Variants in PLEKHA4 observed in about 807,000 individuals in gnomAD.
PLEKHA4 encodes pleckstrin homology domain-containing family A member 4.
Under a neutral mutation model 94.7 loss-of-function variants are expected in PLEKHA4, and 73 were observed. The observed-to-expected ratio is 0.77, with a 90% CI of 0.64 to 0.94. The LOEUF is 0.94. Among genes scored for constraint, PLEKHA4 ranks in the 40% least tolerant of loss-of-function variants. The pLI is 0.00. For synonymous variants in PLEKHA4, 449 were observed against 437.1 expected (o/e 1.03, Z -0.34); for missense variants, 1,049 against 1,054.1 (o/e 1.00, Z 0.07).
intron 9 of PLEKHA4, among the ~76,000 whole-genome samples, chr19:48,856,697 G>A (rs751113040): frequency 1.4e-4 from 21 of 151,662 alleles, no homozygotes; most frequent in Admixed American, 2.6e-4. Flanking sequence ...CAGCCTGGGC[G>A]ACAGAGCGAG....
intron 16 of PLEKHA4, among the ~76,000 whole-genome samples, chr19:48,842,143 CTTT>C (rs398059794): frequency 5.8e-5 from 7 of 121,438 alleles, no homozygotes; most frequent in East Asian, 4.5e-4. Flanking sequence ...AATTTATTTT[CTTT>C]TTTTTTTTTT....
chr19:48,851,919 G>C (rs1470178327), intron 13 of PLEKHA4, among the ~76,000 whole-genome samples: 1 of 152,126 alleles, frequency 6.6e-6, no homozygotes, highest in Non-Finnish European at 1.5e-5. Context: ...ACTCCAGCCT[G>C]GGCGACAGAG....
At chr19:48,854,838 AAC>A (rs2036343755) in intron 9 of PLEKHA4, among the ~76,000 whole-genome samples, 1 of 151,158 alleles carries the variant, frequency 6.6e-6, no homozygotes, top group South Asian at 2.1e-4. Flanking sequence ...TAGGTGGGAC[AAC>A]AGATGCCAGC....
Position 48,838,149 on chromosome 19 carries a change from TG to T in PLEKHA4, c.1965-21del, listed in dbSNP as rs550794180. ...CTTGGACTAGAAAAAAAAAGAAGATTGGGGGTGGGGGTGTGTACATGGGGGA... is the reference window on the plus strand; with the variant it reads ...CTTGGACTAGAAAAAAAAAGAAGATTGGGGTGGGGGTGTGTACATGGGGGA... On this transcript the variant is annotated intron_variant, in intron 18 of 19. Coordinates refer to ENST00000263265, the MANE Select transcript of PLEKHA4 (RefSeq NM_020904.3). 2.6e-4 allele frequency: 206 copies of T among 779,036 alleles called. No homozygotes were observed. In the African/African-American group the frequency reaches 4.3e-3, roughly 16 times the overall value. 48.3% of individuals were successfully genotyped at this position (779,036 alleles called of 1,614,324 possible). A position where few individuals can be genotyped will look rare whatever the true frequency, so the allele number is the denominator to read the frequency against.
intron 16 of PLEKHA4, chr19:48,845,153 A>G (rs2035919159): frequency 3.9e-6 from 2 of 508,554 alleles, no homozygotes; most frequent in Non-Finnish European, 7.1e-6. Flanking sequence ...CCCATTTTAG[A>G]GAAGAAAAAA....
rs113010494 is a variant in PLEKHA4, at chr19:48,861,496, G to A, written c.271C>T (p.Arg91Cys). ...ACGCTGCCTAGGACACTCTCCTCGCGGCTGTCTGCAAAGAGGGGCTGGGGT... is the reference window on the plus strand; with the variant it reads ...ACGCTGCCTAGGACACTCTCCTCGCAGCTGTCTGCAAAGAGGGGCTGGGGT... Reference protein sequence around the residue: ...GHCLFYYKDSREESVLGSVLL... With the variant: ...GHCLFYYKDSCEESVLGSVLL... Residue 91 changes from arginine (R) to cysteine (C), a missense_variant, in exon 5 of 20, where the codon CGC (arginine) becomes TGC (cysteine). Transcript: ENST00000263265. 163 of 1,614,024 alleles carry A rather than the reference G, an allele frequency of 1.0e-4. No homozygotes were observed. In the South Asian group the frequency reaches 1.0e-3, roughly 10 times the overall value.
At chr19:48,865,454 A>G in intron 3 of PLEKHA4, 49 bp downstream of exon 3, 1 of 1,437,718 alleles carries the variant, frequency 7.0e-7, no homozygotes, top group South Asian at 1.2e-5. Flanking sequence ...GACAGAGGAC[A>G]GCCGGGGCAC....
At chr19:48,858,348 G>A (rs1369082884) in intron 8 of PLEKHA4, among the ~76,000 whole-genome samples, 7 of 152,194 alleles carry the variant, frequency 4.6e-5, no homozygotes, top group South Asian at 4.1e-4. Flanking sequence ...TGGGCCAGGC[G>A]CGGTGGCTCA....
intron 12 of PLEKHA4, among the ~76,000 whole-genome samples, chr19:48,853,209 T>G (rs761464350): frequency 2.0e-5 from 3 of 149,362 alleles, no homozygotes; most frequent in Non-Finnish European, 4.4e-5. Context: ...CATTCACTCA[T>G]TTTCACGTAT....
Position 48,839,199 on chromosome 19 carries a change from C to G in PLEKHA4, c.1964+6G>C. 4 of 1,583,362 alleles carry G rather than the reference C, an allele frequency of 2.5e-6. No individual in the cohort carries two copies. The South Asian group carries it at 4.6e-5, about 18-fold the overall frequency. On this transcript the variant is annotated splice_donor_region_variant and intron_variant, in intron 18 of 19. Transcript: ENST00000263265. Reference sequence around the variant, plus strand: ...TGCTCCCTTGATACGCCCTCCAGTTCCTTACCTACTCCAGGACCCAGAGCT... The same window carrying G: ...TGCTCCCTTGATACGCCCTCCAGTTGCTTACCTACTCCAGGACCCAGAGCT...
chr19:48,853,881 A>C, intron 11 of PLEKHA4, 50 bp from the exon 12 acceptor site: 1 of 1,587,036 alleles, frequency 6.3e-7, no homozygotes, highest in Non-Finnish European at 8.6e-7. Flanking sequence ...GCCTAGCCCC[A>C]AGAAGAAAGA....
chr19:48,867,623 A>G lies in PLEKHA4; in HGVS notation c.-3T>C, dbSNP rs767034878. 6.3e-6 allele frequency: 10 copies of G among 1,590,428 alleles called. No homozygotes were observed. In the African/African-American group the frequency reaches 1.1e-4, roughly 17 times the overall value. On this transcript the variant is annotated 5_prime_UTR_variant, in exon 2 of 20. Transcript: ENST00000263265. This position sits in a 1 kb window ranked among gnomAD's most constrained non-coding sequence, Gnocchi z 4.7. ...CTGCGAGGTCGGCTCCCCTCCATCAAGGGCTGGGGGAGAGAAAGAAAGGGG... is the reference window on the plus strand; with the variant it reads ...CTGCGAGGTCGGCTCCCCTCCATCAGGGGCTGGGGGAGAGAAAGAAAGGGG...
chr19:48,837,130 G>C lies in PLEKHA4; in HGVS notation c.*159C>G, dbSNP rs1023049334. ...CAAAGTTTTAATCCAAATTTAGACA[G>C]TGTTGAGAAAACCAAACTTTGGCCA... On this transcript the variant is annotated 3_prime_UTR_variant, in exon 20 of 20. Transcript: ENST00000263265. The surrounding 1 kb of genome is among the most constrained non-coding windows in gnomAD (Gnocchi z 4.3). 8.6e-6 allele frequency: 8 copies of C among 925,036 alleles called. No individual in the cohort carries two copies. The highest frequency in any genetic ancestry group is 1.4e-5 in the Non-Finnish European group (8 of 587,998). 57.3% of individuals were successfully genotyped at this position (925,036 alleles called of 1,614,324 possible). A position where few individuals can be genotyped will look rare whatever the true frequency, so the allele number is the denominator to read the frequency against.
chr19:48,856,064 C>T (rs1364953150), intron 9 of PLEKHA4, among the ~76,000 whole-genome samples: 2 of 149,912 alleles, frequency 1.3e-5, no homozygotes, highest in Admixed American at 6.7e-5. Context: ...CCCAGCTACT[C>T]GGGCAGCTGA....
chr19:48,863,439 T>TTTTTG (rs2036719867), intron 3 of PLEKHA4, among the ~76,000 whole-genome samples: 1 of 146,760 alleles, frequency 6.8e-6, no homozygotes, highest in Non-Finnish European at 1.5e-5. Context: ...TTTGTTTTTT[T>TTTTTG]TTTTTTTTGA....
At chr19:48,848,156 T>C in intron 13 of PLEKHA4, 116 bp from the exon 14 acceptor site, 1 of 1,200,640 alleles carries the variant, frequency 8.3e-7, no homozygotes. Context: ...AGTTGGGATT[T>C]ATTTTTTTTC....
rs886440745 is a variant in PLEKHA4, at chr19:48,857,345, C to T, written c.1047+77G>A. On this transcript the variant is annotated intron_variant, in intron 9 of 19. Coordinates refer to ENST00000263265, the MANE Select transcript of PLEKHA4 (RefSeq NM_020904.3). Reference sequence around the variant, plus strand: ...CTACAGTTCTCTAGGCACCCTAGGCCAAGAGATGACATTCCTCATAGAGAA... The same window carrying T: ...CTACAGTTCTCTAGGCACCCTAGGCTAAGAGATGACATTCCTCATAGAGAA... The T allele has an allele frequency of 1.2e-5, 8 of 672,236 alleles. No individual in the cohort carries two copies. The African/African-American group carries it at 1.3e-4, about 11-fold the overall frequency. 41.6% of individuals were successfully genotyped at this position (672,236 alleles called of 1,614,324 possible). A position where few individuals can be genotyped will look rare whatever the true frequency, so the allele number is the denominator to read the frequency against.
chr19:48,860,305 G>T, intron 6 of PLEKHA4, 45 bp downstream of exon 6: 1 of 1,521,980 alleles, frequency 6.6e-7, no homozygotes, highest in South Asian at 1.1e-5. Context: ...TGACGAGACT[G>T]ACTCAGGGTG....
chr19:48,841,408 C>T, intron 16 of PLEKHA4, 98 bp from the exon 17 acceptor site: 1 of 1,316,274 alleles, frequency 7.6e-7, no homozygotes, highest in Non-Finnish European at 1.0e-6. Context: ...GAGAGGATCA[C>T]TTGAGGTCAG....
Sources: allele counts gnomAD v4.1 joint callset (sites outside exome capture counted in the v4.1 genomes callset), GRCh38; gene constraint gnomAD v4.1.1; non-coding constraint Gnocchi (gnomAD v3.1); transcripts MANE v1.5; gene names NCBI Gene and HGNC (gene_info 2026-07-23, HGNC 2026-07-21).